The following SNRK variants were observed in gnomAD, a reference collection of about 807,000 sequenced individuals.
SNRK encodes the protein SNF related kinase.
A neutral mutation model predicts 48.2 loss-of-function variants in SNRK; 3 were observed. The ratio of observed to expected loss-of-function variants is 0.06; its 90% CI spans 0.03 to 0.16. SNRK has a LOEUF of 0.16. Ranked by LOEUF, SNRK falls within the 10% of genes least tolerant of loss-of-function variation. The probability of loss-of-function intolerance (pLI) is 1.00; values close to 1 mark genes in which losing one functional copy is unlikely to be tolerated. For missense variants in SNRK, 627 were observed against 976.0 expected (o/e 0.64, Z 4.76); for synonymous variants, 376 against 366.1 (o/e 1.03, Z -0.31).
At chr3:43,305,645 A>G (rs200902870) in intron 3 of SNRK, among the ~76,000 whole-genome samples, 1 of 151,584 alleles carries the variant, frequency 6.6e-6, no homozygotes, top group East Asian at 1.9e-4. Flanking sequence ...CACCACGCCT[A>G]GCTAATTTTT....
intron 3 of SNRK, among the ~76,000 whole-genome samples, chr3:43,313,022 AG>A (rs2090990092): frequency 6.6e-6 from 1 of 152,222 alleles, no homozygotes; most frequent in Non-Finnish European, 1.5e-5. Flanking sequence ...AAAACTCTGC[AG>A]GGGTTTTATA....
rs188531691 is a variant in SNRK, at chr3:43,291,009, A to G, written c.-169+4334A>G. 3.1e-3 allele frequency among the ~76,000 whole-genome samples: 476 copies of G among 152,290 alleles called. 2 individuals carry two copies. The highest frequency in any genetic ancestry group is 2.8e-3 in the Non-Finnish European group (191 of 68,028). On this transcript the variant is annotated intron_variant, in intron 1 of 6. Coordinates refer to ENST00000296088, the MANE Select transcript of SNRK (RefSeq NM_017719.5). ...AAAGGACACAGTGCTGTGAGTGAGT[A>G]TAGGGAGCTGTATGTGCATGGAGTT...
chr3:43,345,278 AC>A (rs2091267166), intron 6 of SNRK, among the ~76,000 whole-genome samples: 1 of 152,022 alleles, frequency 6.6e-6, no homozygotes, highest in African/African-American at 2.4e-5. Flanking sequence ...TATCGACAAG[AC>A]CCTGGACCTC....
intron 5 of SNRK, among the ~76,000 whole-genome samples, chr3:43,341,690 G>C (rs1468037768): frequency 6.6e-6 from 1 of 152,202 alleles, no homozygotes; most frequent in Non-Finnish European, 1.5e-5. Flanking sequence ...GCCCTTTCAG[G>C]ATTTGATCCA....
In SNRK at chr3:43,334,631, GTTC is replaced by G. The variant is rs562457015; in HGVS notation, c.731+2322_731+2324del. On this transcript the variant is annotated intron_variant, in intron 4 of 6. Coordinates refer to ENST00000296088, the MANE Select transcript of SNRK (RefSeq NM_017719.5). ...TTTTTTTGAGATGGAGTCTAGTGGT[GTTC>G]CCAGGCTGGAGTGCAGTGGCACAGT... 1.6e-4 allele frequency among the ~76,000 whole-genome samples: 24 copies of G among 149,834 alleles called. No individual in the cohort carries two copies. The East Asian group carries it at 4.1e-3, about 26-fold the overall frequency.
chr3:43,312,968 C>T (rs1285937741), intron 3 of SNRK, among the ~76,000 whole-genome samples: 1 of 152,138 alleles, frequency 6.6e-6, no homozygotes, highest in African/African-American at 2.4e-5. Flanking sequence ...CTACAGATGC[C>T]AGTCTTCCCC....
intron 6 of SNRK, 52 bp downstream of exon 6, chr3:43,343,530 G>T (rs766420335): frequency 6.5e-7 from 1 of 1,537,038 alleles, no homozygotes; most frequent in Non-Finnish European, 8.8e-7. Context: ...TTGAAATAGC[G>T]AACTTTTTTT....
At chr3:43,346,817 G>A (rs944022519) in intron 6 of SNRK, 1 of 152,322 alleles carries the variant, frequency 6.6e-6, no homozygotes, top group Admixed American at 6.5e-5. Flanking sequence ...TTTGTATGAT[G>A]TATACGTGTT....
Position 43,334,007 on chromosome 3 carries a change from A to G in SNRK, c.731+1697A>G, listed in dbSNP as rs552387973. Among the ~76,000 whole-genome samples, 8 of 152,116 alleles carry G rather than the reference A, an allele frequency of 5.3e-5. No homozygotes were observed. The East Asian group carries it at 9.7e-4, about 18-fold the overall frequency. ...CTAAAAATACAAAACTTAGCCGGGC[A>G]TGGTGGCTGGCGCCTGTAATCCCAG... On this transcript the variant is annotated intron_variant, in intron 4 of 6. Coordinates refer to ENST00000296088, the MANE Select transcript of SNRK (RefSeq NM_017719.5).
intron 1 of SNRK, among the ~76,000 whole-genome samples, chr3:43,288,184 A>G (rs1225006396): frequency 1.3e-5 from 2 of 152,158 alleles, no homozygotes; most frequent in African/African-American, 4.8e-5. Context: ...ACTTTTTATA[A>G]TACTCTCATC....
intron 3 of SNRK, among the ~76,000 whole-genome samples, chr3:43,304,835 A>C (rs1474478943): frequency 6.6e-6 from 1 of 152,090 alleles, no homozygotes; most frequent in African/African-American, 2.4e-5. Flanking sequence ...TCATGTTATG[A>C]CTATCATGTT....
intron 5 of SNRK, among the ~76,000 whole-genome samples, chr3:43,342,546 C>G (rs532927935): frequency 2.6e-5 from 4 of 152,278 alleles, no homozygotes; most frequent in African/African-American, 7.2e-5. Flanking sequence ...TGCTTCTTTC[C>G]TAAGTGTTCA....
At chr3:43,336,060 T>C (rs1257453698) in intron 4 of SNRK, among the ~76,000 whole-genome samples, 1 of 152,244 alleles carries the variant, frequency 6.6e-6, no homozygotes, top group African/African-American at 2.4e-5. Flanking sequence ...TAGTCACTGA[T>C]AGATGTAGAT....
intron 3 of SNRK, among the ~76,000 whole-genome samples, chr3:43,307,895 T>G (rs1394146991): frequency 6.6e-6 from 1 of 152,226 alleles, no homozygotes. Flanking sequence ...AAAGCTAGGC[T>G]TCTTGCACCT....
rs2090885590 is a variant in SNRK at position 43,299,829 on chromosome 3, A to G, written c.-107+14A>G. 6.6e-6 allele frequency: 1 copy of G among 152,628 alleles called. No homozygotes were observed. The highest frequency in any genetic ancestry group is 2.4e-5 in the African/African-American group (1 of 41,458). The allele number at this position is 152,628 out of a possible 1,614,324, so 9.5% of individuals were successfully genotyped here. On this transcript the variant is annotated intron_variant, in intron 2 of 6. Coordinates refer to ENST00000296088, the MANE Select transcript of SNRK (RefSeq NM_017719.5). ...GCAGTTTGCAGGGTATGTCTTGGAG[A>G]CAGTACAAATTCACCTTTACTTTAT...
chr3:43,324,643 A>C (rs1242369123), intron 3 of SNRK, among the ~76,000 whole-genome samples: 1 of 152,238 alleles, frequency 6.6e-6, no homozygotes, highest in Admixed American at 6.5e-5. Flanking sequence ...TAAACTTTTA[A>C]TACGAAGGAA....
intron 3 of SNRK, chr3:43,315,043 T>C (rs1030056133): frequency 2.0e-5 from 3 of 152,232 alleles, no homozygotes; most frequent in Admixed American, 2.0e-4. Context: ...TAGGCTGTAG[T>C]GTATTATGCC....
At chr3:43,315,806 A>G (rs139245868) in intron 3 of SNRK, among the ~76,000 whole-genome samples, 30 of 152,366 alleles carry the variant, frequency 2.0e-4, no homozygotes, top group African/African-American at 3.4e-4. Context: ...CAACGTATCC[A>G]TAGAAATGTA....
intron 3 of SNRK, among the ~76,000 whole-genome samples, chr3:43,308,151 G>T (rs536252146): frequency 1.3e-3 from 195 of 152,304 alleles, no homozygotes; most frequent in African/African-American, 4.6e-3. Flanking sequence ...CAGAGGAAAA[G>T]TTTGAAACTA....
Sources: gnomAD v4.1 joint callset for allele counts (sites outside exome capture counted in the v4.1 genomes callset) on GRCh38, gnomAD v4.1.1 for gene constraint, MANE v1.5 for transcripts, NCBI Gene and HGNC (gene_info 2026-07-23, HGNC 2026-07-21) for gene names.